Variants in RBM27 observed in about 807,000 individuals in gnomAD.
The protein encoded by RBM27 is RNA binding motif protein 27.
Under a neutral mutation model 135.3 loss-of-function variants are expected in RBM27, and 22 were observed. The observed-to-expected ratio is 0.16, with a 90% CI of 0.12 to 0.23. The LOEUF (loss-of-function observed/expected upper bound fraction) is 0.23. Ranked by LOEUF, RBM27 falls within the 10% of genes least tolerant of loss-of-function variation. RBM27 has a pLI of 1.00. For missense variants in RBM27, 1,009 were observed against 1,281.0 expected (o/e 0.79, Z 3.24); for synonymous variants, 481 against 442.4 (o/e 1.09, Z -1.10).
intron 5 of RBM27, 39 bp from the exon 6 acceptor site, chr5:146,230,618 A>C: frequency 1.3e-6 from 2 of 1,589,334 alleles, no homozygotes; most frequent in East Asian, 4.5e-5. Flanking sequence ...GAAATATCTG[A>C]TCTCTTTGTT....
At chr5:146,284,803 A>G in intron 20 of RBM27, 71 bp downstream of exon 20, 1 of 921,214 alleles carries the variant, frequency 1.1e-6, no homozygotes, top group Non-Finnish European at 1.6e-6. Flanking sequence ...ATGATATTAA[A>G]TAGTATAAAT....
intron 8 of RBM27, 41 bp downstream of exon 8, chr5:146,237,473 A>G (rs757218923): frequency 6.3e-7 from 1 of 1,597,148 alleles, no homozygotes; most frequent in Non-Finnish European, 8.6e-7. Flanking sequence ...CAGGGTATAG[A>G]AAAGCCAAGT....
intron 7 of RBM27, among the ~76,000 whole-genome samples, chr5:146,236,137 A>T (rs1479131444): frequency 2.0e-5 from 3 of 152,234 alleles, no homozygotes; most frequent in Non-Finnish European, 4.4e-5. Flanking sequence ...TATCTATTTA[A>T]AAGTTAAATT....
At chr5:146,258,248 C>G (rs937488873) in intron 10 of RBM27, among the ~76,000 whole-genome samples, 2 of 152,030 alleles carry the variant, frequency 1.3e-5, no homozygotes, top group African/African-American at 4.8e-5. Context: ...ATTATTACAT[C>G]GAGGTTAACT....
intron 9 of RBM27, among the ~76,000 whole-genome samples, chr5:146,252,662 T>C (rs1055437101): frequency 6.6e-6 from 1 of 152,252 alleles, no homozygotes; most frequent in Non-Finnish European, 1.5e-5. Flanking sequence ...ATATTGCATG[T>C]AATTTTTAGA....
intron 5 of RBM27, 70 bp downstream of exon 5, chr5:146,229,980 A>T (rs1418801551): frequency 3.2e-6 from 5 of 1,552,336 alleles, no homozygotes; most frequent in Non-Finnish European, 3.5e-6. Context: ...GGTGCAAGAA[A>T]TTCTCTTAAA....
intron 14 of RBM27, among the ~76,000 whole-genome samples, chr5:146,266,281 G>T (rs1384227407): frequency 6.6e-6 from 1 of 152,186 alleles, no homozygotes; most frequent in Non-Finnish European, 1.5e-5. Context: ...GAGTACTACT[G>T]GATGAGTGAC....
intron 8 of RBM27, among the ~76,000 whole-genome samples, chr5:146,239,707 C>T (rs557234079): frequency 6.6e-6 from 1 of 150,592 alleles, no homozygotes; most frequent in South Asian, 2.1e-4. Flanking sequence ...AACTCCTGGC[C>T]TTAAGTGATC....
At position 146,284,719 on chromosome 5, in the gene RBM27, A is replaced by T. The variant is rs375730213; in HGVS notation, c.3086A>T (p.Glu1029Val). 50 of 1,606,426 alleles carry T rather than the reference A, an allele frequency of 3.1e-5. No homozygotes were observed. Among genetic ancestry groups the T allele is most frequent in the Middle Eastern group, 1.7e-4 (1 of 6,042 alleles). The change falls in exon 20 of 21, where the codon GAA becomes GTA. Residue 1029 changes from glutamate to valine, a missense_variant. This residue lies in a region of RBM27 where 355 missense variants were observed against 427.3 expected (regional missense o/e 0.83). Coordinates refer to ENST00000265271, the MANE Select transcript of RBM27 (RefSeq NM_018989.2). ...PSISTETEEE[E>V]VKEEETETSD... ...ATATCCACTGAGACTGAAGAAGAAG[A>T]AGTCAAGGAGGAGGTAAATTTAGTG...
At chr5:146,274,626 C>T (rs1169840533) in intron 19 of RBM27, among the ~76,000 whole-genome samples, 1 of 152,116 alleles carries the variant, frequency 6.6e-6, no homozygotes, top group Non-Finnish European at 1.5e-5. Flanking sequence ...TGGGATGAAG[C>T]ATCAGTGTTT....
chr5:146,231,026 A>G, intron 6 of RBM27, 109 bp downstream of exon 6: 5 of 1,270,860 alleles, frequency 3.9e-6, no homozygotes, highest in Non-Finnish European at 5.3e-6. Flanking sequence ...ATTTTATCTT[A>G]TTTTATTTAT....
At position 146,254,925 on chromosome 5, in the gene RBM27, T is replaced by C. The variant is rs1412365815; in HGVS notation, c.1445-18T>C. The C allele has an allele frequency of 6.5e-7, 1 of 1,531,942 alleles. No homozygotes were observed. The highest frequency in any genetic ancestry group is 2.0e-5 in the Admixed American group (1 of 49,724). The allele number at this position is 1,531,942 out of a possible 1,614,324, so 94.9% of individuals were successfully genotyped here. A position where few individuals can be genotyped will look rare whatever the true frequency, so the allele number is the denominator to read the frequency against. On this transcript the variant is annotated intron_variant, in intron 9 of 20. Coordinates refer to ENST00000265271, the MANE Select transcript of RBM27 (RefSeq NM_018989.2). ...CTCTCTGATTTGTTGTGTGTTTTGT[T>C]GCTTTGTTTTCCCTCAGATACATAT... is the stretch of plus-strand genomic sequence containing the variant.
At chr5:146,272,226 CTGTATAAA>C (rs1299399781) in intron 19 of RBM27, among the ~76,000 whole-genome samples, 1 of 152,126 alleles carries the variant, frequency 6.6e-6, no homozygotes, top group Non-Finnish European at 1.5e-5. Flanking sequence ...TTTTAAATGA[CTGTATAAA>C]TGTGAAATAC....
intron 19 of RBM27, among the ~76,000 whole-genome samples, chr5:146,275,432 A>AT (rs537026155): frequency 1.8e-3 from 280 of 151,540 alleles, no homozygotes; most frequent in Admixed American, 7.3e-3. Flanking sequence ...CTCCTGGCTA[A>AT]TTTTTTTGTG....
At chr5:146,216,496 C>CT (rs1393168663) in intron 1 of RBM27, among the ~76,000 whole-genome samples, 1 of 151,928 alleles carries the variant, frequency 6.6e-6, no homozygotes, top group African/African-American at 2.4e-5. Context: ...ATATAGCTGT[C>CT]TTTTTTTGTG....
chr5:146,218,569 A>G (rs1756313128), intron 1 of RBM27, among the ~76,000 whole-genome samples: 2 of 152,270 alleles, frequency 1.3e-5, no homozygotes, highest in African/African-American at 4.8e-5. Flanking sequence ...AGGAGAGGAG[A>G]AAGTTTTTCC....
chr5:146,257,346 G>A (rs904505307), intron 10 of RBM27, among the ~76,000 whole-genome samples: 4 of 152,190 alleles, frequency 2.6e-5, no homozygotes, highest in African/African-American at 9.7e-5. Context: ...GTTATTTATT[G>A]TAAGGACAGA....
At chr5:146,250,770 C>CTTTTTTTTTTTTTTTTTTT (rs58027855) in intron 8 of RBM27, among the ~76,000 whole-genome samples, 25 of 72,678 alleles carry the variant, frequency 3.4e-4, no homozygotes, top group African/African-American at 6.6e-4. Flanking sequence ...TTTTTTTGTC[C>CTTTTTTTTTTTTTTTTTTT]TTTTTTTTTT....
At chr5:146,280,435 T>TA (rs1251459245) in intron 19 of RBM27, among the ~76,000 whole-genome samples, 2 of 152,184 alleles carry the variant, frequency 1.3e-5, no homozygotes, top group Non-Finnish European at 2.9e-5. Context: ...ATCATAAACA[T>TA]ATAGTTCAAT....
Sources: gnomAD v4.1 joint callset for allele counts (sites outside exome capture counted in the v4.1 genomes callset) on GRCh38, gnomAD v4.1.1 for gene constraint, gnomAD v4.1.1 regional missense constraint, MANE v1.5 for transcripts, NCBI Gene and HGNC (gene_info 2026-07-23, HGNC 2026-07-21) for gene names.